PTPRK: variants seen among roughly 807,000 people sequenced by gnomAD.
PTPRK encodes the protein receptor-type tyrosine-protein phosphatase kappa.
In PTPRK, 75 loss-of-function variants were observed where a neutral mutation model predicts 178.0. The ratio of observed to expected loss-of-function variants is 0.42; its 90% CI spans 0.35 to 0.51. The LOEUF is 0.51. PTPRK is among the 20% of genes least tolerant of loss of function. The pLI is 0.02. For missense variants in PTPRK, 1,441 were observed against 1,797.8 expected (o/e 0.80, Z 3.59); for synonymous variants, 637 against 620.6 (o/e 1.03, Z -0.39).
At chr6:128,331,455 G>GT (rs916639752) in intron 2 of PTPRK, among the ~76,000 whole-genome samples, 25 of 148,480 alleles carry the variant, frequency 1.7e-4, no homozygotes, top group East Asian at 7.9e-4. Flanking sequence ...TTTAAGTATT[G>GT]TTTTTTTTTC....
At chr6:128,080,710 A>G (rs1293393461) in intron 10 of PTPRK, among the ~76,000 whole-genome samples, 5 of 152,028 alleles carry the variant, frequency 3.3e-5, no homozygotes, top group Admixed American at 3.3e-4. Context: ...ATTTTTTTAA[A>G]TGCTGAGAAA....
chr6:128,093,861 C>A (rs998663418), intron 7 of PTPRK, among the ~76,000 whole-genome samples: 4 of 151,062 alleles, frequency 2.6e-5, no homozygotes, highest in African/African-American at 9.8e-5. Context: ...ATTTGTTTAT[C>A]AAAGATGTTA....
intron 3 of PTPRK, among the ~76,000 whole-genome samples, chr6:128,278,138 T>G (rs147579206): frequency 6.9e-6 from 1 of 145,750 alleles, no homozygotes; most frequent in Non-Finnish European, 1.5e-5. Context: ...TTTATTTATT[T>G]ATTTATTTAT....
At chr6:128,051,925 A>G (rs1053473623) in intron 13 of PTPRK, among the ~76,000 whole-genome samples, 3 of 151,898 alleles carry the variant, frequency 2.0e-5, no homozygotes, top group Admixed American at 6.6e-5. Context: ...TGTGACTGAC[A>G]TCACATCTTC....
chr6:128,295,404 T>A (rs1480631090), intron 3 of PTPRK, among the ~76,000 whole-genome samples: 8 of 151,752 alleles, frequency 5.3e-5, no homozygotes, highest in African/African-American at 1.7e-4. Context: ...CAAAGCAAGA[T>A]TTTTTTTTAA....
chr6:128,001,308 T>C (rs1468654334), intron 15 of PTPRK: 1 of 822,164 alleles, frequency 1.2e-6, no homozygotes, highest in Non-Finnish European at 1.8e-6. Context: ...CATTAAGCAA[T>C]ATTTGAAGTG....
At chr6:128,323,944 C>T (rs1306191970) in intron 2 of PTPRK, among the ~76,000 whole-genome samples, 2 of 151,938 alleles carry the variant, frequency 1.3e-5, no homozygotes, top group African/African-American at 4.8e-5. Flanking sequence ...AAAGGATATC[C>T]TGGATCCCAA....
In PTPRK at chr6:128,519,114, A is replaced by G; in HGVS notation, c.100+1145T>C. ...CTCCATCTGCACCGCGAACCCCAGCAGCAGATGCGCTCGCCAGCCAAGCGA... is the reference window on the plus strand; with the variant it reads ...CTCCATCTGCACCGCGAACCCCAGCGGCAGATGCGCTCGCCAGCCAAGCGA... On this transcript the variant is annotated intron_variant, in intron 1 of 29. Transcript: ENST00000368226. The surrounding 1 kb of genome is among the most constrained non-coding windows in gnomAD (Gnocchi z 4.3). The G allele has an allele frequency of 1.9e-6, 1 of 529,420 alleles. No individual in the cohort carries two copies. Among genetic ancestry groups the G allele is most frequent in the South Asian group, 1.4e-5 (1 of 70,448 alleles). The allele number at this position is 529,420 out of a possible 1,614,324, so 32.8% of individuals were successfully genotyped here. A position where few individuals can be genotyped will look rare whatever the true frequency, so the allele number is the denominator to read the frequency against.
At chr6:128,283,693 A>G (rs777786358) in intron 3 of PTPRK, among the ~76,000 whole-genome samples, 137 of 152,192 alleles carry the variant, frequency 9.0e-4, no homozygotes, top group Non-Finnish European at 1.8e-3. Flanking sequence ...AATCAAGAGC[A>G]TTTATTATAT....
chr6:128,425,376 C>T (rs1055897429), intron 1 of PTPRK, among the ~76,000 whole-genome samples: 5 of 152,012 alleles, frequency 3.3e-5, no homozygotes, highest in African/African-American at 1.2e-4. Context: ...TGTGCCTGGC[C>T]CCAATGTGTA....
At chr6:128,437,816 T>G (rs1845786009) in intron 1 of PTPRK, among the ~76,000 whole-genome samples, 1 of 150,814 alleles carries the variant, frequency 6.6e-6, no homozygotes, top group Non-Finnish European at 1.5e-5. Flanking sequence ...CTATGAGGAG[T>G]GTGAATATGT....
At chr6:128,167,897 C>A (rs773146586) in intron 7 of PTPRK, among the ~76,000 whole-genome samples, 13 of 151,994 alleles carry the variant, frequency 8.6e-5, no homozygotes, top group Non-Finnish European at 1.5e-4. Context: ...ATTTTATTAA[C>A]CATTAAGTAA....
chr6:128,005,283 A>C, intron 14 of PTPRK, 39 bp from the exon 15 acceptor site: 1 of 1,604,460 alleles, frequency 6.2e-7, no homozygotes, highest in Admixed American at 1.7e-5. Context: ...TTAGTGTTTG[A>C]GGCTTGCAGG....
intron 7 of PTPRK, among the ~76,000 whole-genome samples, chr6:128,170,916 A>C (rs569136987): frequency 6.6e-6 from 1 of 151,786 alleles, no homozygotes. Context: ...AAAAAAAAAA[A>C]CTGTTAACAC....
Position 128,389,606 on chromosome 6 carries a change from C to T in PTPRK, c.223+7960G>A, listed in dbSNP as rs538301307. On this transcript the variant is annotated intron_variant, in intron 2 of 29. Coordinates refer to ENST00000368226, the MANE Select transcript of PTPRK (RefSeq NM_002844.4). ...CTACCAGGGAAAAGAAATTTTGAGT[C>T]TTTGGACTATGTATTGATTTTAAGG... Among the ~76,000 whole-genome samples, 10 of 151,806 alleles carry T rather than the reference C, an allele frequency of 6.6e-5. No homozygotes were observed. The South Asian group carries it at 2.1e-3, about 32-fold the overall frequency.
At chr6:128,467,007 A>C (rs1849933778) in intron 1 of PTPRK, among the ~76,000 whole-genome samples, 1 of 152,156 alleles carries the variant, frequency 6.6e-6, no homozygotes, top group Non-Finnish European at 1.5e-5. Context: ...AGTGAACTGC[A>C]TTTTGTTGGT....
chr6:128,184,490 A>T lies in PTPRK; in HGVS notation c.1104T>A (p.Pro368=), dbSNP rs1802440635. The change falls in exon 7 of 30, where the codon CCT becomes CCA. Residue 368 remains proline, a synonymous_variant. Coordinates refer to ENST00000368226, the MANE Select transcript of PTPRK (RefSeq NM_002844.4). ...CTGGGAGCCCCGTTCCACCTTCACC[A>T]GGTCTTGTAAGTAGAACTCGGATCT... ...EYEIRVLLTR[P]GEGGTGLPGP... The T allele has an allele frequency of 8.7e-6, 14 of 1,613,788 alleles. No individual in the cohort carries two copies. The highest frequency in any genetic ancestry group is 1.1e-5 in the Non-Finnish European group (13 of 1,179,818).
At chr6:128,209,546 C>A (rs1239878453) in intron 6 of PTPRK, among the ~76,000 whole-genome samples, 9 of 151,820 alleles carry the variant, frequency 5.9e-5, no homozygotes. Flanking sequence ...AGGCTGCCCT[C>A]CTCATTCTAC....
intron 7 of PTPRK, among the ~76,000 whole-genome samples, chr6:128,145,620 G>A (rs1375994396): frequency 6.6e-6 from 1 of 152,006 alleles, no homozygotes; most frequent in East Asian, 1.9e-4. Context: ...TTATTCTTGA[G>A]ATTTAAAAAC....
Sources: gnomAD v4.1 joint callset for allele counts (sites outside exome capture counted in the v4.1 genomes callset) on GRCh38, gnomAD v4.1.1 for gene constraint, Gnocchi (gnomAD v3.1) non-coding constraint, MANE v1.5 for transcripts, NCBI Gene and HGNC (gene_info 2026-07-23, HGNC 2026-07-21) for gene names.